Variants in TCP1 observed in about 807,000 individuals in gnomAD.
TCP1 encodes the protein T-complex protein 1 subunit alpha.
Under a neutral mutation model 54.7 loss-of-function variants are expected in TCP1, and 6 were observed. That is an observed-to-expected ratio of 0.11 (90% CI 0.06 to 0.22). TCP1 has a LOEUF of 0.22. Ranked by LOEUF, TCP1 falls within the 10% of genes least tolerant of loss-of-function variation. The pLI is 1.00. For synonymous variants in TCP1, 225 were observed against 229.7 expected (o/e 0.98, Z 0.19); for missense variants, 511 against 678.2 (o/e 0.75, Z 2.74).
In TCP1 at chr6:159,785,187, C is replaced by A. The variant is rs111856478; in HGVS notation, c.488+199G>T. Reference sequence around the variant, plus strand: ...TGCTGCTACTACGCACGCGTGCGCGCAACACATGCGCACACACGCACCCAC... The same window carrying A: ...TGCTGCTACTACGCACGCGTGCGCGAAACACATGCGCACACACGCACCCAC... On this transcript the variant is annotated intron_variant, in intron 5 of 11. Coordinates refer to ENST00000321394, the MANE Select transcript of TCP1 (RefSeq NM_030752.3). 5.6e-3 allele frequency: 3,429 copies of A among 613,110 alleles called. 97 individuals are homozygous for A. Among genetic ancestry groups the A allele is most frequent in the African/African-American group, 0.055 (3,003 of 54,150 alleles). 38.0% of individuals were successfully genotyped at this position (613,110 alleles called of 1,614,324 possible).
At chr6:159,788,320 T>A (rs1780748356) in intron 1 of TCP1, 177 bp from the exon 2 acceptor site, 1 of 583,712 alleles carries the variant, frequency 1.7e-6, no homozygotes, top group Admixed American at 3.0e-5. Flanking sequence ...CCAGACACTG[T>A]GGCTCACAGG....
At chr6:159,783,857 G>A (rs1780632041) in intron 7 of TCP1, 84 bp downstream of exon 7, 7 of 1,473,966 alleles carry the variant, frequency 4.7e-6, no homozygotes, top group Admixed American at 2.5e-5. Flanking sequence ...TTTTCTGGAA[G>A]TAAAATAGTT....
In TCP1 at chr6:159,780,071, A is replaced by G. The variant is rs1780534863; in HGVS notation, c.1114T>C (p.Ser372Pro). 6.2e-7 allele frequency: 1 copy of G among 1,614,066 alleles called. No homozygotes were observed. Among genetic ancestry groups the G allele is most frequent in the South Asian group, 1.1e-5 (1 of 91,090 alleles). ...GCCCCACGTAAGATAATCGATGCAG[A>G]CGTACGAGCCTTAGTACTGTTCAAA... ...ILIKNTKART[S>P]ASIILRGAND... The change falls in exon 10 of 12, where the codon TCT becomes CCT. Residue 372 changes from serine to proline, a missense_variant. Transcript: ENST00000321394.
rs1386849160 is a variant in TCP1 at position 159,789,405 on chromosome 6, C to T, written c.64G>A (p.Val22Ile). 2 of 1,613,600 alleles carry T rather than the reference C, an allele frequency of 1.2e-6. No homozygotes were observed. Among genetic ancestry groups the T allele is most frequent in the African/African-American group, 1.3e-5 (1 of 74,892 alleles). Residue 22 changes from valine (V) to isoleucine (I), a missense_variant and splice_region_variant, in exon 1 of 12, where the codon GTT becomes ATT. Val to Ile is a conservative substitution (Grantham distance 29). Transcript: ENST00000321394. ...STGETIRSQN[V>I]MAAASIANIV... The stretch of plus-strand genomic sequence containing the variant: ...CGACCCAGGCCCGGCCCGCCCTTAC[C>T]GTTTTGGGAGCGGATCGTTTCCCCA...
At position 159,779,999 on chromosome 6, in the gene TCP1, G is replaced by A. The variant is rs979675977; in HGVS notation, c.1186C>T (p.Leu396Phe). The A allele has an allele frequency of 1.2e-6, 2 of 1,614,076 alleles. No individual in the cohort carries two copies. Among genetic ancestry groups the A allele is most frequent in the African/African-American group, 2.7e-5 (2 of 75,032 alleles). ...DEMERSLHDALCVVKRVLESK... is the reference protein window; with the variant it reads ...DEMERSLHDAFCVVKRVLESK... ...TCCAAAACTCTCTTCACTACACAAA[G>A]TGCATCATGTAAAGAGCGCTCCATC... The change falls in exon 10 of 12, where the codon CTT becomes TTT. Residue 396 changes from leucine to phenylalanine, a missense_variant. Physicochemically the swap from Leu to Phe is conservative, Grantham distance 22. Around this residue, in one of 5 missense-constraint regions of TCP1, gnomAD observed 305 missense variants for 352.8 expected, o/e 0.86. Coordinates refer to ENST00000321394, the MANE Select transcript of TCP1 (RefSeq NM_030752.3).
intron 1 of TCP1, chr6:159,789,191 C>G: frequency 1.8e-6 from 1 of 564,678 alleles, no homozygotes; most frequent in South Asian, 2.3e-5. Flanking sequence ...GTCTCAAAAC[C>G]CTGCCGCGCG....
rs771108268 is a variant in TCP1, at chr6:159,780,016, C to T, written c.1169G>A (p.Arg390His). 23 of 1,613,964 alleles carry T rather than the reference C, an allele frequency of 1.4e-5. No homozygotes were observed. In the East Asian group the frequency reaches 2.2e-4, roughly 16 times the overall value. The change falls in exon 10 of 12, where the codon CGC becomes CAC. Residue 390 changes from arginine (R) to histidine (H), a missense_variant. By Grantham distance (29) the Arg-to-His change is conservative (BLOSUM62 0). Around this residue, in one of 5 missense-constraint regions of TCP1, gnomAD observed 305 missense variants for 352.8 expected, o/e 0.86. Coordinates refer to ENST00000321394, the MANE Select transcript of TCP1 (RefSeq NM_030752.3). ...TACACAAAGTGCATCATGTAAAGAG[C>T]GCTCCATCTCATCACACATGAAATC... The part of the protein sequence containing the change: ...ANDFMCDEME[R>H]SLHDALCVVK...
At chr6:159,780,145 A>T in intron 9 of TCP1, 58 bp from the exon 10 acceptor site, 1 of 1,565,702 alleles carries the variant, frequency 6.4e-7, no homozygotes, top group Non-Finnish European at 8.6e-7. Flanking sequence ...TTTTTTTGCC[A>T]AGACCATCAA....
At chr6:159,785,860 T>C (rs985755953) in intron 4 of TCP1, 40 bp downstream of exon 4, 1 of 1,504,570 alleles carries the variant, frequency 6.6e-7, no homozygotes, top group Non-Finnish European at 9.2e-7. Context: ...TTTACAACTA[T>C]TACATCAAAA....
chr6:159,789,015 A>G (rs766777665), intron 1 of TCP1: 1 of 192,952 alleles, frequency 5.2e-6, no homozygotes, highest in Non-Finnish European at 1.1e-5. Context: ...TTTTCTGGTA[A>G]ATGGTCCTAA....
rs1780802940 is a variant in TCP1, at chr6:159,789,597, G to A, written c.-129C>T. On this transcript the variant is annotated 5_prime_UTR_variant, in exon 1 of 12. Coordinates refer to ENST00000321394, the MANE Select transcript of TCP1 (RefSeq NM_030752.3). ...AGCGTACCCGAGCGATGTCCCAGGA[G>A]CTACTGGGTAACACACCACCCCACC... is the stretch of plus-strand genomic sequence containing the variant. The A allele has an allele frequency of 4.3e-6, 5 of 1,167,206 alleles. No homozygotes were observed. Among genetic ancestry groups the A allele is most frequent in the South Asian group, 4.0e-5 (3 of 74,288 alleles). The allele number at this position is 1,167,206 out of a possible 1,614,324, so 72.3% of individuals were successfully genotyped here.
At chr6:159,784,427 C>T (rs1583141331) in intron 6 of TCP1, among the ~76,000 whole-genome samples, 1 of 152,104 alleles carries the variant, frequency 6.6e-6, no homozygotes, top group South Asian at 2.1e-4. Flanking sequence ...TCCTCAGCCT[C>T]CCAAGTAGCT....
chr6:159,779,694 G>C lies in TCP1; in HGVS notation c.1387C>G (p.Leu463Val). ...TGAAAAGCTCTTAATTTTGCAACCA[G>C]ATCTGTGGAGTCCTGGGCAGCATTA... The part of the protein sequence containing the change: ...AVNAAQDSTD[L>V]VAKLRAFHNE... Residue 463 changes from leucine to valine, a missense_variant, in exon 11 of 12, where the codon CTG becomes GTG. Coordinates refer to ENST00000321394, the MANE Select transcript of TCP1 (RefSeq NM_030752.3). The C allele has an allele frequency of 1.2e-6, 2 of 1,613,340 alleles. No individual in the cohort carries two copies. The highest frequency in any genetic ancestry group is 1.7e-6 in the Non-Finnish European group (2 of 1,179,824).
At chr6:159,784,100 C>G (rs1415760457) in intron 6 of TCP1, 33 bp from the exon 7 acceptor site, 3 of 1,601,472 alleles carry the variant, frequency 1.9e-6, no homozygotes, top group African/African-American at 2.7e-5. Flanking sequence ...GTTAATACGT[C>G]TATCCTTAAA....
chr6:159,789,255 G>C (rs1043137031), intron 1 of TCP1, 150 bp downstream of exon 1: 2 of 847,104 alleles, frequency 2.4e-6, no homozygotes, highest in Admixed American at 5.4e-5. Context: ...CCCTGCCCCA[G>C]AGAACGGCGG....
chr6:159,787,848 A>T lies in TCP1; in HGVS notation c.174T>A (p.Gly58=). The T allele has an allele frequency of 1.9e-6, 3 of 1,614,216 alleles. No homozygotes were observed. Among genetic ancestry groups the T allele is most frequent in the Non-Finnish European group, 2.5e-6 (3 of 1,180,030 alleles). ...CCTCCAGTAACTTCAGGATGGTTGC[A>T]CCATCGTTAGTAATGGTTACATCCT... ...DIGDVTITND[G]ATILKLLEVE... is the part of the protein sequence containing the mutation. The change falls in exon 3 of 12, where the codon GGT becomes GGA. Residue 58 remains glycine (G), a synonymous_variant. Transcript: ENST00000321394.
intron 1 of TCP1, 163 bp downstream of exon 1, chr6:159,789,242 G>A (rs1434404069): frequency 1.4e-5 from 10 of 736,306 alleles, no homozygotes; most frequent in Non-Finnish European, 2.2e-5. Context: ...TGGGGCCACA[G>A]CGCCCTGCCC....
intron 8 of TCP1, 57 bp from the exon 9 acceptor site, chr6:159,780,623 C>T: frequency 6.3e-7 from 1 of 1,577,456 alleles, no homozygotes; most frequent in East Asian, 2.2e-5. Flanking sequence ...TTTTAATATC[C>T]TTGGACTCAG....
In TCP1 at chr6:159,780,658, A is replaced by C. The variant is rs1780555510; in HGVS notation, c.974-92T>G. The C allele has an allele frequency of 1.7e-5, 25 of 1,490,772 alleles. 1 individual carries two copies. The South Asian group carries it at 3.2e-4, about 19-fold the overall frequency. 92.3% of individuals were successfully genotyped at this position (1,490,772 alleles called of 1,614,324 possible). A position where few individuals can be genotyped will look rare whatever the true frequency, so the allele number is the denominator to read the frequency against. The stretch of plus-strand genomic sequence containing the variant: ...GTAGCATTTGTGGTAAAAGTGCTAT[A>C]TTACAAGTTTAGAATTTAGTTAGGC... On this transcript the variant is annotated intron_variant, in intron 8 of 11. Transcript: ENST00000321394.
Sources: gnomAD v4.1 joint callset for allele counts (sites outside exome capture counted in the v4.1 genomes callset) on GRCh38, gnomAD v4.1.1 for gene constraint, gnomAD v4.1.1 regional missense constraint, MANE v1.5 for transcripts, NCBI Gene and HGNC (gene_info 2026-07-23, HGNC 2026-07-21) for gene names.